DENND2B: variants seen among roughly 807,000 people sequenced by gnomAD.
DENND2B encodes the protein DENN domain-containing protein 2B.
In DENND2B, 32 loss-of-function variants were observed where a neutral mutation model predicts 116.0. The ratio of observed to expected loss-of-function variants is 0.28; its 90% CI spans 0.21 to 0.37. The LOEUF (loss-of-function observed/expected upper bound fraction) is 0.37. Ranked by LOEUF, DENND2B falls within the 10% of genes least tolerant of loss-of-function variation. DENND2B has a pLI of 1.00. For missense variants in DENND2B, 1,276 were observed against 1,477.7 expected, an observed-to-expected ratio of 0.86 and a Z score of 2.24; for synonymous variants, 588 against 583.9, an observed-to-expected ratio of 1.01 and a Z score of -0.10.
chr11:8,731,196 AGACT>A lies in DENND2B; in HGVS notation c.90_93del (p.Val31LeufsTer94). 1 of 1,502,142 alleles carries A rather than the reference AGACT, an allele frequency of 6.7e-7. No homozygotes were observed. Among genetic ancestry groups the A allele is most frequent in the East Asian group, 2.3e-5 (1 of 43,614 alleles). The allele number at this position is 1,502,142 out of a possible 1,614,324, so 93.1% of individuals were successfully genotyped here. Reference sequence around the variant, plus strand: ...GGTGGGGAGAGAACTGGAGGTGGAGAGACTGACTGAGACCTGGGGGCAAAACAAA... The same window carrying A: ...GGTGGGGAGAGAACTGGAGGTGGAGAGACTGAGACCTGGGGGCAAAACAAA... On this transcript the variant is annotated frameshift_variant, in exon 3 of 20. Transcript: ENST00000313726. LOFTEE classifies it high-confidence loss of function.
intron 4 of DENND2B, among the ~76,000 whole-genome samples, chr11:8,824,383 GTTC>G (rs2061889531): frequency 6.6e-6 from 1 of 152,184 alleles, no homozygotes; most frequent in East Asian, 1.9e-4. Context: ...CTTGGTGCCT[GTTC>G]TTCTCCTCTA....
intron 4 of DENND2B, among the ~76,000 whole-genome samples, chr11:8,722,417 G>T (rs2046345682): frequency 6.6e-6 from 1 of 152,182 alleles, no homozygotes; most frequent in Admixed American, 6.5e-5. Flanking sequence ...ATCCAGCGGG[G>T]TCAGAGTCAT....
At chr11:8,851,111 C>T (rs909867629) in intron 3 of DENND2B, among the ~76,000 whole-genome samples, 11 of 152,088 alleles carry the variant, frequency 7.2e-5, no homozygotes, top group African/African-American at 2.7e-4. Context: ...AGATCTACTG[C>T]ACATCATGGC....
Position 8,712,813 on chromosome 11 carries a change from A to C in DENND2B, c.1988-78T>G. On this transcript the variant is annotated intron_variant, in intron 8 of 19. Coordinates refer to ENST00000313726, the MANE Select transcript of DENND2B (RefSeq NM_213618.2). This position sits in a 1 kb window ranked among gnomAD's most constrained non-coding sequence, Gnocchi z 4.4. ...TCCTCTACCCCTGGCTCAGGGCTCC[A>C]TTGCTGTGGAGCACTTTTAAGTACG... The C allele has an allele frequency of 3.5e-6, 5 of 1,445,754 alleles. No individual in the cohort carries two copies. Among genetic ancestry groups the C allele is most frequent in the Non-Finnish European group, 4.6e-6 (5 of 1,080,542 alleles). The allele number at this position is 1,445,754 out of a possible 1,614,324, so 89.6% of individuals were successfully genotyped here.
At chr11:8,741,397 A>G (rs1330659726) in intron 2 of DENND2B, among the ~76,000 whole-genome samples, 1 of 152,182 alleles carries the variant, frequency 6.6e-6, no homozygotes, top group East Asian at 1.9e-4. Context: ...ACACTGCAGA[A>G]GCCCCCTCTG....
chr11:8,762,982 A>AT (rs1457288743), intron 1 of DENND2B, among the ~76,000 whole-genome samples: 1 of 152,200 alleles, frequency 6.6e-6, no homozygotes, highest in East Asian at 1.9e-4. Flanking sequence ...GTATAAGACA[A>AT]TGTACTCAGT....
chr11:8,729,006 C>T (rs11042052), intron 3 of DENND2B, among the ~76,000 whole-genome samples: 35,617 of 152,110 alleles, frequency 0.23, 4,418 homozygotes, highest in South Asian at 0.32. Flanking sequence ...CGGGCTGTTC[C>T]GGCTCGGGGG....
At chr11:8,774,452 G>A (rs897450829) in intron 1 of DENND2B, among the ~76,000 whole-genome samples, 9 of 152,278 alleles carry the variant, frequency 5.9e-5, no homozygotes, top group African/African-American at 2.2e-4. Context: ...AAGGGTTACA[G>A]GGATCCATCA....
chr11:8,699,257 G>A lies in DENND2B; in HGVS notation c.2854C>T (p.Leu952Phe). ...CCPTPFLVGL[L>F]SSSLPKLKEL... ...TTCAGTTTGGGGAGGGAGCTGGAGAGCAGGCCAACCAGGAAGGGGGTGGGA... is the reference window on the plus strand; with the variant it reads ...TTCAGTTTGGGGAGGGAGCTGGAGAACAGGCCAACCAGGAAGGGGGTGGGA... The change falls in exon 15 of 20, where the codon CTC (leucine) becomes TTC (phenylalanine). Residue 952 changes from leucine to phenylalanine, a missense_variant. Physicochemically the swap from Leu to Phe is conservative, Grantham distance 22. Coordinates refer to ENST00000313726, the MANE Select transcript of DENND2B (RefSeq NM_213618.2). 6.3e-7 allele frequency: 1 copy of A among 1,592,552 alleles called. No homozygotes were observed. The highest frequency in any genetic ancestry group is 1.1e-5 in the South Asian group (1 of 87,842).
At chr11:8,874,250 A>G (rs747422849), upstream of DENND2B, among the ~76,000 whole-genome samples, 1 of 152,224 alleles carries the variant, frequency 6.6e-6, no homozygotes, top group African/African-American at 2.4e-5. Flanking sequence ...CTTTGTGCAG[A>G]GAAGTACAAT....
At position 8,707,299 on chromosome 11, in the gene DENND2B, G is replaced by A; in HGVS notation, c.2431-74C>T. ...CCTTCCCCCTCCTGGCAGAGAAGAG[G>A]GCAGCCAAGCATCTGACCAGGCTAG... is the stretch of plus-strand genomic sequence containing the variant. On this transcript the variant is annotated intron_variant, in intron 12 of 19. Coordinates refer to ENST00000313726, the MANE Select transcript of DENND2B (RefSeq NM_213618.2). The surrounding 1 kb of genome is among the most constrained non-coding windows in gnomAD (Gnocchi z 4.8). The A allele has an allele frequency of 1.3e-6, 2 of 1,545,704 alleles. No individual in the cohort carries two copies. The highest frequency in any genetic ancestry group is 1.7e-6 in the Non-Finnish European group (2 of 1,143,500).
intron 1 of DENND2B, among the ~76,000 whole-genome samples, chr11:8,803,070 C>T (rs2060494531): frequency 6.6e-6 from 1 of 152,076 alleles, no homozygotes; most frequent in Non-Finnish European, 1.5e-5. Flanking sequence ...TAGTTGAAAA[C>T]ACAAGATATA....
intron 3 of DENND2B, among the ~76,000 whole-genome samples, chr11:8,856,286 T>C (rs546482198): frequency 6.6e-6 from 1 of 152,346 alleles, no homozygotes; most frequent in East Asian, 1.9e-4. Flanking sequence ...TTTTCTTGCA[T>C]CCAAAACTTT....
intron 1 of DENND2B, among the ~76,000 whole-genome samples, chr11:8,899,992 A>G (rs2064144626): frequency 1.3e-5 from 2 of 152,186 alleles, no homozygotes; most frequent in Non-Finnish European, 1.5e-5. Flanking sequence ...TTAAGTTTAT[A>G]TCAATCAGTA....
At chr11:8,826,104 T>C (rs2061969139) in intron 4 of DENND2B, among the ~76,000 whole-genome samples, 1 of 152,138 alleles carries the variant, frequency 6.6e-6, no homozygotes, top group Admixed American at 6.5e-5. Flanking sequence ...AACAAGAAGA[T>C]AGAAAACTAC....
At position 8,890,906 on chromosome 11, in the gene DENND2B, C is replaced by G. The variant is rs554645803; in HGVS notation, c.-255-9797G>C. Among the ~76,000 whole-genome samples, 68 of 152,122 alleles carry G rather than the reference C, an allele frequency of 4.5e-4. 1 individual carries two copies. Among genetic ancestry groups the G allele is most frequent in the Non-Finnish European group, 7.1e-4 (48 of 68,024 alleles). On this transcript the variant is annotated intron_variant, in intron 1 of 22. Coordinates refer to the DENND2B transcript ENST00000534127. ...ATACAGAGAACACCACAAAGATACT[C>G]CTCGAGAAGAGCAACTCCAAGACAC...
At chr11:8,699,944 C>T (rs765903867) in intron 14 of DENND2B, 7 of 456,166 alleles carry the variant, frequency 1.5e-5, no homozygotes, top group East Asian at 6.9e-5. Flanking sequence ...CTTGAATACC[C>T]GGCCAGGCCA....
At chr11:8,742,308 T>C (rs2050362998) in intron 2 of DENND2B, among the ~76,000 whole-genome samples, 1 of 152,166 alleles carries the variant, frequency 6.6e-6, no homozygotes, top group Admixed American at 6.5e-5. Flanking sequence ...CATAAGAACA[T>C]GTTGTTTTAT....
chr11:8,763,426 G>A (rs990109430), intron 1 of DENND2B, among the ~76,000 whole-genome samples: 1 of 151,870 alleles, frequency 6.6e-6, no homozygotes, highest in African/African-American at 2.4e-5. Context: ...CATACTAAAA[G>A]ACAAGTATGA....
Sources: allele counts gnomAD v4.1 joint callset (sites outside exome capture counted in the v4.1 genomes callset), GRCh38; gene constraint gnomAD v4.1.1; non-coding constraint Gnocchi (gnomAD v3.1); transcripts MANE v1.5; gene names NCBI Gene and HGNC (gene_info 2026-07-23, HGNC 2026-07-21).